The following FILIP1 variants were observed in gnomAD, a reference collection of about 807,000 sequenced individuals.
FILIP1 encodes filamin A interacting protein 1, also known as filamin-A-interacting protein 1.
A neutral mutation model predicts 102.1 loss-of-function variants in FILIP1; 61 were observed. The observed-to-expected ratio is 0.60, with a 90% CI of 0.49 to 0.74. The LOEUF (loss-of-function observed/expected upper bound fraction) is 0.74. FILIP1 is among the 30% of genes least tolerant of loss of function. The pLI, the probability that FILIP1 is intolerant of heterozygous loss-of-function variation, is 0.00. For missense variants in FILIP1, 1,314 were observed against 1,441.2 expected (o/e 0.91, Z 1.43); for synonymous variants, 491 against 526.9 (o/e 0.93, Z 0.93).
chr6:75,413,826 T>C (rs1777161112), intron 2 of FILIP1, among the ~76,000 whole-genome samples: 1 of 149,002 alleles, frequency 6.7e-6, no homozygotes. Flanking sequence ...TCCAGAAATA[T>C]AATTGTTCAG....
At chr6:75,358,266 AG>A (rs2149607678) in intron 3 of FILIP1, 1 of 152,356 alleles carries the variant, frequency 6.6e-6, no homozygotes, top group South Asian at 2.1e-4. Flanking sequence ...TGGGGAAAAG[AG>A]AAGTCTACTT....
At chr6:75,421,779 GTTTCTAT>G (rs1429968960) in intron 1 of FILIP1, among the ~76,000 whole-genome samples, 2 of 152,020 alleles carry the variant, frequency 1.3e-5, no homozygotes, top group Non-Finnish European at 2.9e-5. Flanking sequence ...TAAGAATAGC[GTTTCTAT>G]TTTATCTTCC....
At chr6:75,418,208 A>G (rs1777336098) in intron 1 of FILIP1, among the ~76,000 whole-genome samples, 1 of 152,198 alleles carries the variant, frequency 6.6e-6, no homozygotes, top group South Asian at 2.1e-4. Context: ...AAAAAAGAGA[A>G]AAAGCTACAA....
rs533164720 is a variant in FILIP1 at position 75,401,813 on chromosome 6, A to G, written c.276+12884T>C. ...TGCCCCAAGTCCTACCCCACTTAACATACATTTCTCATACCAGTTATCTGT... is the reference window on the plus strand; with the variant it reads ...TGCCCCAAGTCCTACCCCACTTAACGTACATTTCTCATACCAGTTATCTGT... On this transcript the variant is annotated intron_variant, in intron 2 of 5. Transcript: ENST00000237172. 9.2e-4 allele frequency among the ~76,000 whole-genome samples: 140 copies of G among 152,296 alleles called. 1 individual carries two copies. The highest frequency in any genetic ancestry group is 3.4e-3 in the African/African-American group (140 of 41,564).
rs149807900 is a variant in FILIP1, at chr6:75,406,387, A to G, written c.276+8310T>C. Among the ~76,000 whole-genome samples the G allele has an allele frequency of 3.7e-4, 56 of 152,226 alleles. 1 individual carries two copies. In the East Asian group the frequency reaches 0.011, roughly 29 times the overall value. On this transcript the variant is annotated intron_variant, in intron 2 of 5. Coordinates refer to ENST00000237172, the MANE Select transcript of FILIP1 (RefSeq NM_015687.5). ...ATCTCTATCTGCACAAAACCCACCAATTCTTCAAAGTCCAAATTTTTAGTG... is the reference window on the plus strand; with the variant it reads ...ATCTCTATCTGCACAAAACCCACCAGTTCTTCAAAGTCCAAATTTTTAGTG...
intron 1 of FILIP1, among the ~76,000 whole-genome samples, chr6:75,420,153 G>A (rs1777406454): frequency 6.6e-6 from 1 of 152,014 alleles, no homozygotes; most frequent in Non-Finnish European, 1.5e-5. Flanking sequence ...GTCATGAAAA[G>A]GCCAAGGAAA....
chr6:75,406,545 ATTG>A (rs1776853030), intron 2 of FILIP1, among the ~76,000 whole-genome samples: 1 of 151,880 alleles, frequency 6.6e-6, no homozygotes, highest in Non-Finnish European at 1.5e-5. Context: ...TTTCTTCATG[ATTG>A]TTGTAATATC....
intron 6 of FILIP1, chr6:75,296,475 T>TTTATTCTTATTA (rs1772681291): frequency 7.1e-6 from 1 of 140,396 alleles, no homozygotes; most frequent in African/African-American, 2.6e-5. Flanking sequence ...ACTCTATATG[T>TTTATTCTTATTA]TTATTATTAT....
chr6:75,414,525 C>G (rs1015567937), intron 2 of FILIP1, among the ~76,000 whole-genome samples, 172 bp downstream of exon 2: 2 of 152,126 alleles, frequency 1.3e-5, no homozygotes, highest in African/African-American at 4.8e-5. Context: ...ATTCATTCAA[C>G]AAATATTTAT....
In FILIP1 at chr6:75,308,161, T is replaced by G. The variant is rs1310187905; in HGVS notation, c.*530A>C. ...AAATCATCTTAGAACCTTTTGTTTT[T>G]GCAAAATTTTAGAGGTCCAGGCCCT... On this transcript the variant is annotated 3_prime_UTR_variant, in exon 6 of 6. Coordinates refer to ENST00000237172, the MANE Select transcript of FILIP1 (RefSeq NM_015687.5). 1.0e-6 allele frequency: 1 copy of G among 986,456 alleles called. No individual in the cohort carries two copies. Among genetic ancestry groups the G allele is most frequent in the African/African-American group, 1.7e-5 (1 of 57,254 alleles). The allele number at this position is 986,456 out of a possible 1,614,324, so 61.1% of individuals were successfully genotyped here.
At chr6:75,436,489 C>T (rs1248785942) in intron 1 of FILIP1, among the ~76,000 whole-genome samples, 1 of 152,070 alleles carries the variant, frequency 6.6e-6, no homozygotes, top group Non-Finnish European at 1.5e-5. Flanking sequence ...TGGGAACAAT[C>T]TGGTTAGAAG....
intron 4 of FILIP1, among the ~76,000 whole-genome samples, chr6:75,347,370 T>C (rs1215479030): frequency 6.6e-6 from 1 of 152,262 alleles, no homozygotes; most frequent in East Asian, 1.9e-4. Context: ...TTAACTTTGC[T>C]TTTGAACAGC....
intron 4 of FILIP1, among the ~76,000 whole-genome samples, chr6:75,320,366 G>C (rs938535264): frequency 4.6e-5 from 7 of 152,122 alleles, no homozygotes; most frequent in African/African-American, 1.7e-4. Flanking sequence ...AGACCAGCCT[G>C]GGCAACATGG....
chr6:75,366,827 TA>T (rs1242162202), intron 2 of FILIP1, among the ~76,000 whole-genome samples: 2 of 152,186 alleles, frequency 1.3e-5, no homozygotes, highest in Admixed American at 6.5e-5. Context: ...CTTTTAGGAA[TA>T]TTTTTTTCAA....
chr6:75,295,646 C>T (rs1772648328), exon 7 of FILIP1: 3 of 312,000 alleles, frequency 9.6e-6, no homozygotes, highest in East Asian at 9.9e-5. Flanking sequence ...AGTTATACAG[C>T]ATGTGCCCAT....
chr6:75,453,947 T>C (rs1218900632), intron 1 of FILIP1: 1 of 456,490 alleles, frequency 2.2e-6, no homozygotes, highest in Non-Finnish European at 4.4e-6. Flanking sequence ...CAAAGAACAC[T>C]GTATTAGTTT....
chr6:75,468,503 C>T (rs1168411945), intron 1 of FILIP1, among the ~76,000 whole-genome samples: 2 of 152,138 alleles, frequency 1.3e-5, no homozygotes, highest in South Asian at 2.1e-4. Flanking sequence ...ACTCGACAAG[C>T]AGGTCAAATG....
intron 1 of FILIP1, among the ~76,000 whole-genome samples, chr6:75,450,675 G>A (rs1778599059): frequency 6.6e-6 from 1 of 150,800 alleles, no homozygotes; most frequent in Non-Finnish European, 1.5e-5. Context: ...AAAAAGAGTG[G>A]CTGGGCACGG....
intron 1 of FILIP1, among the ~76,000 whole-genome samples, chr6:75,436,338 C>T (rs1293761468): frequency 4.0e-5 from 6 of 151,408 alleles, no homozygotes; most frequent in Non-Finnish European, 5.9e-5. Flanking sequence ...CCACTCCAGC[C>T]TGGGCGACAG....
Sources: gnomAD v4.1 joint callset for allele counts (sites outside exome capture counted in the v4.1 genomes callset) on GRCh38, gnomAD v4.1.1 for gene constraint, MANE v1.5 for transcripts, NCBI Gene and HGNC (gene_info 2026-07-23, HGNC 2026-07-21) for gene names.